Variants in SATB2 observed in about 807,000 individuals in gnomAD.
SATB2 encodes the protein SATB homeobox 2.
In SATB2, 1 loss-of-function variant was observed where a neutral mutation model predicts 73.4. The observed-to-expected ratio is 0.01, with a 90% CI of 0.00 to 0.06. The LOEUF (loss-of-function observed/expected upper bound fraction) is 0.06. Among genes scored for constraint, SATB2 ranks in the 10% least tolerant of loss-of-function variants. The pLI is 1.00. For missense variants in SATB2, 459 were observed against 945.8 expected (o/e 0.49, Z 6.75); for synonymous variants, 397 against 367.0 (o/e 1.08, Z -0.93).
rs367609860 is a variant in SATB2 at position 199,363,697 on chromosome 2, T to A, written c.700+4908A>T. ...GTGATGAATAGGTTAATTCACTTGA[T>A]TTAATCATTTCACGTTGTATTAAAA... On this transcript the variant is annotated intron_variant, in intron 6 of 10. Transcript: ENST00000417098. Among the ~76,000 whole-genome samples the A allele has an allele frequency of 3.1e-4, 47 of 152,322 alleles. No homozygotes were observed. In the South Asian group the frequency reaches 4.8e-3, roughly 15 times the overall value.
intron 9 of SATB2, among the ~76,000 whole-genome samples, chr2:199,309,534 T>TC (rs1687535351): frequency 6.6e-6 from 1 of 152,206 alleles, no homozygotes; most frequent in African/African-American, 2.4e-5. Context: ...CTCTTAACCA[T>TC]CACCTTCCCG....
At chr2:199,352,687 CAGA>C (rs1305317260) in intron 6 of SATB2, among the ~76,000 whole-genome samples, 1 of 152,136 alleles carries the variant, frequency 6.6e-6, no homozygotes, top group Non-Finnish European at 1.5e-5. Context: ...AAGCCAGCTG[CAGA>C]AGAACTAGGT....
At chr2:199,273,306 T>G (rs772307424) in intron 10 of SATB2, among the ~76,000 whole-genome samples, 6 of 152,184 alleles carry the variant, frequency 3.9e-5, no homozygotes, top group Non-Finnish European at 5.9e-5. Flanking sequence ...CCACAACTAC[T>G]CAATTCTATT....
chr2:199,433,413 C>T lies in SATB2; in HGVS notation c.271G>A (p.Val91Met). 1.2e-6 allele frequency: 2 copies of T among 1,614,202 alleles called. No individual in the cohort carries two copies. The highest frequency in any genetic ancestry group is 2.2e-5 in the East Asian group (1 of 44,878). The change falls in exon 3 of 11, where the codon GTG becomes ATG. Residue 91 changes from valine (V) to methionine (M), a missense_variant. Around this residue, in one of 13 missense-constraint regions of SATB2, gnomAD observed 56 missense variants for 183.7 expected, o/e 0.30. Transcript: ENST00000417098. Reference sequence around the variant, plus strand: ...GTCTCCACCAGCTGGCTAAAAAGCACATCTTTCCGCACCAGGACAAACTCG... The same window carrying T: ...GTCTCCACCAGCTGGCTAAAAAGCATATCTTTCCGCACCAGGACAAACTCG... ...HAEFVLVRKD[V>M]LFSQLVETAL... is the part of the protein sequence containing the mutation.
chr2:199,350,201 A>G (rs572682777), intron 6 of SATB2, among the ~76,000 whole-genome samples: 1 of 152,330 alleles, frequency 6.6e-6, no homozygotes, highest in East Asian at 1.9e-4. Context: ...TGACTATGCA[A>G]AAGTCCATTA....
At chr2:199,297,768 G>T (rs971733112) in intron 10 of SATB2, among the ~76,000 whole-genome samples, 1 of 150,104 alleles carries the variant, frequency 6.7e-6, no homozygotes, top group Non-Finnish European at 1.5e-5. Context: ...ATGATACAGA[G>T]GCTGAAGTAG....
At chr2:199,343,362 G>A (rs1223228362) in intron 7 of SATB2, among the ~76,000 whole-genome samples, 3 of 152,312 alleles carry the variant, frequency 2.0e-5, no homozygotes, top group South Asian at 4.1e-4. Flanking sequence ...TCAATAGACT[G>A]AGGATATGCT....
intron 3 of SATB2, 51 bp from the exon 4 acceptor site, chr2:199,381,871 C>T (rs1482434780): frequency 2.5e-6 from 4 of 1,598,628 alleles, no homozygotes; most frequent in Non-Finnish European, 1.7e-6. Flanking sequence ...TTTATTAAAC[C>T]TTCCCATTGT....
intron 3 of SATB2, among the ~76,000 whole-genome samples, chr2:199,424,605 T>C (rs1414776798): frequency 1.3e-5 from 2 of 152,140 alleles, no homozygotes; most frequent in African/African-American, 2.4e-5. Flanking sequence ...GTAAAATATA[T>C]ACTAACATAT....
At chr2:199,456,980 G>GT (rs1225424657) in intron 1 of SATB2, among the ~76,000 whole-genome samples, 4 of 150,028 alleles carry the variant, frequency 2.7e-5, no homozygotes, top group African/African-American at 4.9e-5. Context: ...GGGGGTGGGG[G>GT]GGGGCGGGGA....
At chr2:199,374,862 G>T (rs1689551819) in intron 5 of SATB2, among the ~76,000 whole-genome samples, 4 of 151,972 alleles carry the variant, frequency 2.6e-5, no homozygotes, top group African/African-American at 9.7e-5. Flanking sequence ...TACTTGGGAG[G>T]CTGAGCGGGG....
At position 199,433,518 on chromosome 2, in the gene SATB2, A is replaced by C; in HGVS notation, c.170-4T>G. 1 of 1,614,040 alleles carries C rather than the reference A, an allele frequency of 6.2e-7. No individual in the cohort carries two copies. Among genetic ancestry groups the C allele is most frequent in the Non-Finnish European group, 8.5e-7 (1 of 1,179,872 alleles). ...CAAAAGACAGGAATCATCAAACCTGAAGGGACAAAATTCAAGAGCAAAACA... is the reference window on the plus strand; with the variant it reads ...CAAAAGACAGGAATCATCAAACCTGCAGGGACAAAATTCAAGAGCAAAACA... On this transcript the variant is annotated splice_polypyrimidine_tract_variant and splice_region_variant and intron_variant, in intron 2 of 10. Transcript: ENST00000417098.
chr2:199,434,507 G>T (rs1691597662), intron 2 of SATB2, among the ~76,000 whole-genome samples: 1 of 152,086 alleles, frequency 6.6e-6, no homozygotes, highest in African/African-American at 2.4e-5. Flanking sequence ...GGCAGAAGAA[G>T]ATCAAAGTTT....
intron 1 of SATB2, among the ~76,000 whole-genome samples, chr2:199,456,496 T>G (rs1692279076): frequency 6.6e-6 from 1 of 152,164 alleles, no homozygotes; most frequent in Non-Finnish European, 1.5e-5. Flanking sequence ...TCCACCCACA[T>G]GGGAAGGGAG....
chr2:199,321,853 G>A (rs1262812707), intron 9 of SATB2, among the ~76,000 whole-genome samples: 1 of 151,810 alleles, frequency 6.6e-6, no homozygotes, highest in Non-Finnish European at 1.5e-5. Context: ...ACTCATAGAT[G>A]AAAATGAGAT....
intron 3 of SATB2, among the ~76,000 whole-genome samples, chr2:199,401,953 G>A (rs928657703): frequency 1.3e-5 from 2 of 152,190 alleles, no homozygotes; most frequent in African/African-American, 4.8e-5. Context: ...AGGCTGCCCT[G>A]AAGTGGATCA....
chr2:199,433,656 T>C (rs568475018), intron 2 of SATB2, 142 bp from the exon 3 acceptor site: 11 of 795,920 alleles, frequency 1.4e-5, no homozygotes, highest in Admixed American at 1.2e-4. Context: ...CTTAGTCATA[T>C]AGGTCTAATG....
chr2:199,437,505 G>T (rs529154367), intron 2 of SATB2, among the ~76,000 whole-genome samples: 2 of 152,322 alleles, frequency 1.3e-5, no homozygotes, highest in Middle Eastern at 3.4e-3. Context: ...AGCAACAGCT[G>T]TGAGAACTGA....
intron 3 of SATB2, among the ~76,000 whole-genome samples, chr2:199,398,861 A>G (rs1212978175): frequency 2.0e-5 from 3 of 152,180 alleles, no homozygotes; most frequent in Non-Finnish European, 2.9e-5. Context: ...GAAGACTACT[A>G]TTTTTTCTAA....
Sources: allele counts gnomAD v4.1 joint callset (sites outside exome capture counted in the v4.1 genomes callset), GRCh38; gene constraint gnomAD v4.1.1; regional missense constraint gnomAD v4.1.1; transcripts MANE v1.5; gene names NCBI Gene and HGNC (gene_info 2026-07-23, HGNC 2026-07-21).